The following CELF2 variants were observed in gnomAD, a reference collection of about 807,000 sequenced individuals.
CELF2 encodes CUG triplet repeat RNA-binding protein 2.
A neutral mutation model predicts 62.6 loss-of-function variants in CELF2; 8 were observed. The ratio of observed to expected loss-of-function variants is 0.13; its 90% confidence interval spans 0.07 to 0.23. CELF2 has a LOEUF of 0.23. Ranked by LOEUF, CELF2 falls within the 10% of genes least tolerant of loss-of-function variation. The pLI is 1.00. For synonymous variants in CELF2, 258 were observed against 250.0 expected (o/e 1.03, Z -0.30); for missense variants, 333 against 671.0 (o/e 0.50, Z 5.56).
chr10:11,253,063 T>G (rs1354102567), intron 4 of CELF2, among the ~76,000 whole-genome samples: 3 of 152,148 alleles, frequency 2.0e-5, no homozygotes, highest in Non-Finnish European at 4.4e-5. Context: ...TCACAAGCAG[T>G]TGCTGAAGTT....
intron 1 of CELF2, among the ~76,000 whole-genome samples, chr10:10,821,131 G>A (rs1161348801): frequency 1.3e-5 from 2 of 152,224 alleles, no homozygotes; most frequent in Non-Finnish European, 2.9e-5. Context: ...ATGGGTGGGG[G>A]TATCATTTAT....
At chr10:11,265,180 T>G (rs1461569417) in intron 5 of CELF2, among the ~76,000 whole-genome samples, 4 of 152,224 alleles carry the variant, frequency 2.6e-5, no homozygotes, top group Non-Finnish European at 5.9e-5. Flanking sequence ...TTGATTTACA[T>G]AAACCAAACA....
chr10:10,671,789 G>A, the CELF2 span, among the ~76,000 whole-genome samples: 1 of 151,626 alleles, frequency 6.6e-6, no homozygotes, highest in Admixed American at 6.6e-5. Context: ...GAGTGCAGTG[G>A]TGCAATCTCA....
chr10:10,614,974 C>T, the CELF2 span, among the ~76,000 whole-genome samples: 3 of 152,034 alleles, frequency 2.0e-5, no homozygotes, highest in Non-Finnish European at 4.4e-5. Flanking sequence ...AAGAGGCAAG[C>T]TCTGAAGAGC....
chr10:11,089,253 C>A (rs1359654718), intron 1 of CELF2, among the ~76,000 whole-genome samples: 1 of 152,144 alleles, frequency 6.6e-6, no homozygotes, highest in African/African-American at 2.4e-5. Flanking sequence ...ACACAGTAGG[C>A]CACAGTGGAG....
the CELF2 span, among the ~76,000 whole-genome samples, chr10:10,610,697 T>C: frequency 6.6e-6 from 1 of 152,198 alleles, no homozygotes; most frequent in South Asian, 2.1e-4. Flanking sequence ...AATGCTTTTG[T>C]CTCTGTGATG....
intron 2 of CELF2, among the ~76,000 whole-genome samples, chr10:10,942,936 A>C (rs2047206473): frequency 1.3e-5 from 2 of 152,330 alleles, no homozygotes; most frequent in South Asian, 4.1e-4. Flanking sequence ...ATTGTGGCCA[A>C]AAAGGAACCA....
intron 2 of CELF2, among the ~76,000 whole-genome samples, chr10:11,206,254 T>C (rs2060407482): frequency 6.6e-6 from 1 of 152,196 alleles, no homozygotes. Flanking sequence ...GAGATCGGCC[T>C]GGCCTGGAAG....
At chr10:10,651,952 G>C in the CELF2 span, among the ~76,000 whole-genome samples, 7 of 151,258 alleles carry the variant, frequency 4.6e-5, no homozygotes, top group Non-Finnish European at 7.4e-5. Flanking sequence ...CAAACCAAAG[G>C]CAAAGAAGTT....
At chr10:11,113,928 G>GCCTC (rs2055901348) in intron 1 of CELF2, among the ~76,000 whole-genome samples, 2 of 152,194 alleles carry the variant, frequency 1.3e-5, no homozygotes, top group Non-Finnish European at 2.9e-5. Flanking sequence ...GTCAGAAAAT[G>GCCTC]TGCTGGCTCC....
At chr10:10,516,592 G>A in the CELF2 span, among the ~76,000 whole-genome samples, 1 of 152,018 alleles carries the variant, frequency 6.6e-6, no homozygotes. Context: ...ATCCATAGTG[G>A]AATTCAGAAT....
chr10:10,920,116 G>T, intron 2 of CELF2: 1 of 666,634 alleles, frequency 1.5e-6, no homozygotes, highest in South Asian at 7.8e-5. Context: ...GTCAGATTTT[G>T]ATACCTCATA....
the CELF2 span, among the ~76,000 whole-genome samples, chr10:10,533,755 T>C: frequency 6.6e-6 from 1 of 152,138 alleles, no homozygotes; most frequent in Non-Finnish European, 1.5e-5. Context: ...TAAGTTAAGG[T>C]CAAAGTATGT....
At position 11,260,515 on chromosome 10, in the gene CELF2, C is replaced by T. The variant is rs1338457063; in HGVS notation, c.538+2643C>T. ...AGAGAACTTAGCTAATTTGATCTGC[C>T]ATTTGGTTGATTAACCAGCACTTGA... is the stretch of plus-strand genomic sequence containing the variant. On this transcript the variant is annotated intron_variant, in intron 5 of 12. Transcript: ENST00000633077. The surrounding 1 kb of genome is among the most constrained non-coding windows in gnomAD (Gnocchi z 4.2). Among the ~76,000 whole-genome samples the T allele has an allele frequency of 1.3e-5, 2 of 152,204 alleles. No homozygotes were observed. The highest frequency in any genetic ancestry group is 4.8e-5 in the African/African-American group (2 of 41,440).
At chr10:10,862,163 G>A (rs2060079241) in intron 1 of CELF2, among the ~76,000 whole-genome samples, 1 of 152,182 alleles carries the variant, frequency 6.6e-6, no homozygotes, top group Non-Finnish European at 1.5e-5. Flanking sequence ...AGGCCCTAAT[G>A]TTCATGTGTC....
the CELF2 span, among the ~76,000 whole-genome samples, chr10:10,496,848 G>A: frequency 2.1e-4 from 32 of 152,104 alleles, no homozygotes; most frequent in African/African-American, 7.5e-4. Context: ...CAATAATGAA[G>A]GGAAGGAAGA....
intron 4 of CELF2, among the ~76,000 whole-genome samples, chr10:11,252,232 T>C (rs1259609022): frequency 2.0e-5 from 3 of 152,246 alleles, no homozygotes; most frequent in East Asian, 1.9e-4. Context: ...ATGGCATTTT[T>C]GACAGGTAAG....
chr10:10,727,829 G>A, the CELF2 span, among the ~76,000 whole-genome samples: 168 of 151,958 alleles, frequency 1.1e-3, no homozygotes, highest in African/African-American at 4.0e-3. Flanking sequence ...TCATCTTAGA[G>A]ATTCCTTTAT....
At chr10:10,588,017 A>ATT in the CELF2 span, among the ~76,000 whole-genome samples, 30,205 of 149,096 alleles carry the variant, frequency 0.2, 3,305 homozygotes, top group East Asian at 0.4. Flanking sequence ...TAAAGATGTA[A>ATT]TTTTTTTTTT....
Sources: allele counts gnomAD v4.1 joint callset (sites outside exome capture counted in the v4.1 genomes callset), GRCh38; gene constraint gnomAD v4.1.1; non-coding constraint Gnocchi (gnomAD v3.1); transcripts MANE v1.5; gene names NCBI Gene and HGNC (gene_info 2026-07-23, HGNC 2026-07-21).